RNF25: variants seen among roughly 807,000 people sequenced by gnomAD.
RNF25 encodes E3 ubiquitin-protein ligase RNF25.
RNF25 carries 32 observed loss-of-function variants against 65.0 expected under a neutral mutation model. The observed-to-expected ratio is 0.49, with a 90% confidence interval of 0.37 to 0.66. The LOEUF is 0.66. Ranked by LOEUF, RNF25 falls within the 30% of genes least tolerant of loss-of-function variation. The probability of loss-of-function intolerance (pLI) is 0.00; values close to 1 mark genes in which losing one functional copy is unlikely to be tolerated. For missense variants in RNF25, 493 were observed against 584.8 expected (o/e 0.84, Z 1.62); for synonymous variants, 207 against 221.2 (o/e 0.94, Z 0.57).
Position 218,665,818 on chromosome 2 carries a change from T to G in RNF25, c.573+98A>C, listed in dbSNP as rs551135556. 22 of 1,476,904 alleles carry G rather than the reference T, an allele frequency of 1.5e-5. 1 individual carries two copies. In the South Asian group the frequency reaches 2.9e-4, roughly 20 times the overall value. 91.5% of individuals were successfully genotyped at this position (1,476,904 alleles called of 1,614,324 possible). A position where few individuals can be genotyped will look rare whatever the true frequency, so the allele number is the denominator to read the frequency against. On this transcript the variant is annotated intron_variant, in intron 7 of 9. Transcript: ENST00000295704. ...TTAATCTCAAGGGTATCTATGACCC[T>G]GAAAAAGTGAAGAGCCACTGGAGTG...
rs756114151 is a variant in RNF25 at position 218,664,566 on chromosome 2, A to T, written c.802-31T>A. 3.1e-6 allele frequency: 5 copies of T among 1,600,916 alleles called. No individual in the cohort carries two copies. The highest frequency in any genetic ancestry group is 4.3e-6 in the Non-Finnish European group (5 of 1,171,936). Reference sequence around the variant, plus strand: ...AATAAGTGACAAGATGCAGTGAGGGAGATGCAGTTCCTCAAGGTGGGGAAC... The same window carrying T: ...AATAAGTGACAAGATGCAGTGAGGGTGATGCAGTTCCTCAAGGTGGGGAAC... On this transcript the variant is annotated intron_variant, in intron 9 of 9. Transcript: ENST00000295704. The surrounding 1 kb of genome is among the most constrained non-coding windows in gnomAD (Gnocchi z 5.1).
intron 5 of RNF25, among the ~76,000 whole-genome samples, chr2:218,667,165 C>CAA (rs555032127): frequency 8.3e-5 from 7 of 84,758 alleles, no homozygotes; most frequent in African/African-American, 2.3e-4. Flanking sequence ...AAGACTGTCT[C>CAA]AAAAAAAAAA....
At chr2:218,666,534 G>C (rs1451542971) in intron 5 of RNF25, among the ~76,000 whole-genome samples, 1 of 152,108 alleles carries the variant, frequency 6.6e-6, no homozygotes, top group East Asian at 1.9e-4. Context: ...GAAAAAAAAT[G>C]TTCAATTAAA....
rs762982885 is a variant in RNF25, at chr2:218,664,022, G to C, written c.1315C>G (p.Gln439Glu). 1.6e-5 allele frequency: 24 copies of C among 1,492,218 alleles called. No homozygotes were observed. The highest frequency in any genetic ancestry group is 1.5e-5 in the Non-Finnish European group (17 of 1,120,998). 92.4% of individuals were successfully genotyped at this position (1,492,218 alleles called of 1,614,324 possible). The change falls in exon 10 of 10, where the codon CAG becomes GAG. Residue 439 changes from glutamine to glutamate, a missense_variant. Physicochemically the swap from Gln to Glu is conservative, Grantham distance 29. Transcript: ENST00000295704. This position sits in a 1 kb window ranked among gnomAD's most constrained non-coding sequence, Gnocchi z 5.1. ...GSSYPRLPRG[Q>E]GAYRPGTRRE... ...CGAGTACCAGGCCGGTATGCTCCCT[G>C]GCCCCGAGGCAGGCGAGGGTAGGAA...
rs1467229519 is a variant in RNF25 at position 218,666,173 on chromosome 2, G to A, written c.415C>T (p.Leu139Phe). Residue 139 changes from leucine (L) to phenylalanine (F), a missense_variant, in exon 6 of 10, where the codon CTC becomes TTC. Physicochemically the swap from Leu to Phe is conservative, Grantham distance 22 (BLOSUM62 0). Coordinates refer to ENST00000295704, the MANE Select transcript of RNF25 (RefSeq NM_022453.3). ...NIPHGQCVIC[L>F]YGFQEKEAFT... ...GAGAAACCCACCTGGAAACCATAGAGGCAGATGACACACTGGCCATGAGGG... is the reference window on the plus strand; with the variant it reads ...GAGAAACCCACCTGGAAACCATAGAAGCAGATGACACACTGGCCATGAGGG... 5.6e-6 allele frequency: 9 copies of A among 1,613,940 alleles called. No homozygotes were observed. The highest frequency in any genetic ancestry group is 5.9e-6 in the Non-Finnish European group (7 of 1,179,944).
At position 218,665,147 on chromosome 2, in the gene RNF25, C is replaced by A. The variant is rs1257379260; in HGVS notation, c.666+8G>T. The A allele has an allele frequency of 1.2e-6, 2 of 1,613,634 alleles. No individual in the cohort carries two copies. The highest frequency in any genetic ancestry group is 1.7e-6 in the Non-Finnish European group (2 of 1,179,616). On this transcript the variant is annotated splice_region_variant and intron_variant, in intron 8 of 9. Transcript: ENST00000295704. ...CTCCTGGCTCAGATTGGAAAAAAGT[C>A]TCCTTACCATGGGCTGTTGGGGTTC...
chr2:218,668,237 A>G lies in RNF25; in HGVS notation c.219+2T>C. 6.2e-7 allele frequency: 1 copy of G among 1,613,654 alleles called. No individual in the cohort carries two copies. The highest frequency in any genetic ancestry group is 8.5e-7 in the Non-Finnish European group (1 of 1,179,600). Reference sequence around the variant, plus strand: ...TTTGCTGCCACACAGTAGGGGCTTCACCTCTGCTGGGACCTGAAGCACCAG... The same window carrying G: ...TTTGCTGCCACACAGTAGGGGCTTCGCCTCTGCTGGGACCTGAAGCACCAG... On this transcript the variant is annotated splice_donor_variant, in intron 3 of 9. Transcript: ENST00000295704. LOFTEE classifies it high-confidence loss of function.
chr2:218,666,091 C>T (rs1272615183), intron 6 of RNF25, 32 bp from the exon 7 acceptor site: 1 of 1,611,716 alleles, frequency 6.2e-7, no homozygotes. Flanking sequence ...GGCACTAAGT[C>T]AGAGCTCTCT....
Position 218,664,688 on chromosome 2 carries a change from T to C in RNF25, c.801+51A>G. On this transcript the variant is annotated intron_variant, in intron 9 of 9. Coordinates refer to ENST00000295704, the MANE Select transcript of RNF25 (RefSeq NM_022453.3). The surrounding 1 kb of genome is among the most constrained non-coding windows in gnomAD (Gnocchi z 5.1). ...CTCTGGGGCCATGGCTGATTGGGGT[T>C]TGTAGAAAGGTTGGTGGCATTACAG... 1 of 1,611,872 alleles carries C rather than the reference T, an allele frequency of 6.2e-7. No homozygotes were observed. The highest frequency in any genetic ancestry group is 8.5e-7 in the Non-Finnish European group (1 of 1,178,572).
chr2:218,664,900 A>G lies in RNF25; in HGVS notation c.667-27T>C. On this transcript the variant is annotated intron_variant, in intron 8 of 9. Transcript: ENST00000295704. The surrounding 1 kb of genome is among the most constrained non-coding windows in gnomAD (Gnocchi z 5.1). Reference sequence around the variant, plus strand: ...TGGAAGGAAGAATGGCAGAGAGGAAATAATGAACAGCAGAAGGCTGACTCA... The same window carrying G: ...TGGAAGGAAGAATGGCAGAGAGGAAGTAATGAACAGCAGAAGGCTGACTCA... The G allele has an allele frequency of 6.2e-7, 1 of 1,613,770 alleles. No individual in the cohort carries two copies. The highest frequency in any genetic ancestry group is 8.5e-7 in the Non-Finnish European group (1 of 1,179,916).
intron 6 of RNF25, 43 bp from the exon 7 acceptor site, chr2:218,666,102 C>G: frequency 6.2e-7 from 1 of 1,611,170 alleles, no homozygotes; most frequent in South Asian, 1.1e-5. Flanking sequence ...AGAGCTCTCT[C>G]ACAGCCCTCA....
Position 218,664,695 on chromosome 2 carries a change from A to G in RNF25, c.801+44T>C, listed in dbSNP as rs747831841. Reference sequence around the variant, plus strand: ...GCCATGGCTGATTGGGGTTTGTAGAAAGGTTGGTGGCATTACAGGACAACT... The same window carrying G: ...GCCATGGCTGATTGGGGTTTGTAGAGAGGTTGGTGGCATTACAGGACAACT... On this transcript the variant is annotated intron_variant, in intron 9 of 9. Coordinates refer to ENST00000295704, the MANE Select transcript of RNF25 (RefSeq NM_022453.3). The surrounding 1 kb of genome is among the most constrained non-coding windows in gnomAD (Gnocchi z 5.1). 2 of 1,612,770 alleles carry G rather than the reference A, an allele frequency of 1.2e-6. No homozygotes were observed. The highest frequency in any genetic ancestry group is 3.3e-5 in the Admixed American group (2 of 59,912).
chr2:218,670,490 T>TA (rs1004409318), intron 1 of RNF25, among the ~76,000 whole-genome samples: 2 of 151,290 alleles, frequency 1.3e-5, no homozygotes, highest in Admixed American at 1.3e-4. Context: ...AGTCAGGAGA[T>TA]AGAGACCATC....
At position 218,671,995 on chromosome 2, in the gene RNF25, C is replaced by A. The variant is rs889119662; in HGVS notation, c.-25G>T. ...TATCTTCACCGGCCCGCAGCCGGAA[C>A]CGGAAATGCCCTTAGGGAAGTCGGA... On this transcript the variant is annotated 5_prime_UTR_variant, in exon 1 of 10. Coordinates refer to ENST00000295704, the MANE Select transcript of RNF25 (RefSeq NM_022453.3). 1 of 1,614,236 alleles carries A rather than the reference C, an allele frequency of 6.2e-7. No individual in the cohort carries two copies.
Position 218,663,897 on chromosome 2 carries a change from C to T in RNF25, c.*60G>A. ...GCTAAGCAAAGAAAGCCAAAGAAGG[C>T]CAAATATCTTTATTGCCTCCCTCCC... is the stretch of plus-strand genomic sequence containing the variant. On this transcript the variant is annotated 3_prime_UTR_variant, in exon 10 of 10. Transcript: ENST00000295704. 36 of 1,337,488 alleles carry T rather than the reference C, an allele frequency of 2.7e-5. No homozygotes were observed. Among genetic ancestry groups the T allele is most frequent in the Non-Finnish European group, 3.6e-5 (36 of 1,009,984 alleles). 82.9% of individuals were successfully genotyped at this position (1,337,488 alleles called of 1,614,324 possible).
At position 218,671,277 on chromosome 2, in the gene RNF25, T is replaced by A. The variant is rs534797379; in HGVS notation, c.41+653A>T. ...AAATGCCACACCCACTTTTTTTTTT[T>A]ACAGCTGAGGACACTGACTCACAGA... On this transcript the variant is annotated intron_variant, in intron 1 of 9. Coordinates refer to ENST00000295704, the MANE Select transcript of RNF25 (RefSeq NM_022453.3). Among the ~76,000 whole-genome samples the A allele has an allele frequency of 2.9e-4, 44 of 151,352 alleles. 1 individual carries two copies. The East Asian group carries it at 8.5e-3, about 29-fold the overall frequency.
rs149029334 is a variant in RNF25, at chr2:218,665,234, A to G, written c.587T>C (p.Val196Ala). ...GGGCTCTCTGCACACTGGACACTGC[A>G]CACCGACTGCCTTCTAAAAAAGAGA... The part of the protein sequence containing the change: ...HATTKQKAVG[V>A]QCPVCREPLV... Residue 196 changes from valine (V) to alanine (A), a missense_variant, in exon 8 of 10, where the codon GTG (valine) becomes GCG (alanine). Coordinates refer to ENST00000295704, the MANE Select transcript of RNF25 (RefSeq NM_022453.3). 3.4e-5 allele frequency: 55 copies of G among 1,613,474 alleles called. No homozygotes were observed. The highest frequency in any genetic ancestry group is 4.3e-5 in the Non-Finnish European group (51 of 1,179,742).
intron 1 of RNF25, among the ~76,000 whole-genome samples, chr2:218,671,320 A>C (rs574419055): frequency 2.0e-5 from 3 of 152,336 alleles, no homozygotes; most frequent in African/African-American, 7.2e-5. Flanking sequence ...TGGCCTGTTC[A>C]GCATCACACA....
intron 5 of RNF25, among the ~76,000 whole-genome samples, chr2:218,666,759 C>T (rs537469342): frequency 6.6e-6 from 1 of 152,330 alleles, no homozygotes; most frequent in Admixed American, 6.5e-5. Context: ...TCCACAAAGT[C>T]CAAGGCTGCA....
Sources: allele counts gnomAD v4.1 joint callset (sites outside exome capture counted in the v4.1 genomes callset), GRCh38; gene constraint gnomAD v4.1.1; non-coding constraint Gnocchi (gnomAD v3.1); transcripts MANE v1.5; gene names NCBI Gene and HGNC (gene_info 2026-07-23, HGNC 2026-07-21).